The following POLA2 variants were observed in gnomAD, a reference collection of about 807,000 sequenced individuals.
The protein encoded by POLA2 is DNA polymerase alpha 2, accessory subunit, also known as DNA polymerase alpha subunit B.
POLA2 carries 47 observed loss-of-function variants against 82.8 expected under a neutral mutation model. The ratio of observed to expected loss-of-function variants is 0.57; its 90% CI spans 0.45 to 0.72. The LOEUF (loss-of-function observed/expected upper bound fraction) is 0.72, where lower values mean the gene tolerates loss of function less well. Among genes scored for constraint, POLA2 ranks in the 30% least tolerant of loss-of-function variants. The pLI is 0.00. For missense variants in POLA2, 634 were observed against 728.1 expected, an observed-to-expected ratio of 0.87 and a Z score of 1.49; for synonymous variants, 287 against 286.8, an observed-to-expected ratio of 1.00 and a Z score of -0.01.
intron 4 of POLA2, among the ~76,000 whole-genome samples, chr11:65,272,117 C>T (rs1949527968): frequency 6.6e-6 from 1 of 152,106 alleles, no homozygotes; most frequent in Admixed American, 6.5e-5. Context: ...CGAGACCAGT[C>T]TGGCCACCAT....
At position 65,295,574 on chromosome 11, in the gene POLA2, C is replaced by T; in HGVS notation, c.1495C>T (p.Leu499Phe). Reference sequence around the variant, plus strand: ...AACTTCAGACAGATTCAGCCGAATACTCAAGCACATCTTGACCCAGAGGAG... The same window carrying T: ...AACTTCAGACAGATTCAGCCGAATATTCAAGCACATCTTGACCCAGAGGAG... ...SGTSDRFSRILKHILTQRSYY... is the reference protein window; with the variant it reads ...SGTSDRFSRIFKHILTQRSYY... Residue 499 changes from leucine (L) to phenylalanine (F), a missense_variant, in exon 16 of 18, where the codon CTC becomes TTC. Transcript: ENST00000265465. The T allele has an allele frequency of 1.2e-6, 2 of 1,613,962 alleles. No individual in the cohort carries two copies. Among genetic ancestry groups the T allele is most frequent in the Non-Finnish European group, 1.7e-6 (2 of 1,179,910 alleles).
At chr11:65,274,181 C>T (rs1055337218) in intron 4 of POLA2, among the ~76,000 whole-genome samples, 14 of 148,944 alleles carry the variant, frequency 9.4e-5, no homozygotes, top group Non-Finnish European at 1.9e-4. Context: ...GCGAAACTCA[C>T]ATCTCTACTA....
intron 15 of POLA2, among the ~76,000 whole-genome samples, chr11:65,295,246 C>A (rs969158411): frequency 2.0e-5 from 3 of 152,224 alleles, no homozygotes; most frequent in African/African-American, 7.2e-5. Flanking sequence ...CATGATGGTG[C>A]CAACTTTGCA....
At chr11:65,293,090 G>C (rs945131970) in intron 13 of POLA2, among the ~76,000 whole-genome samples, 6 of 152,208 alleles carry the variant, frequency 3.9e-5, no homozygotes, top group East Asian at 1.9e-4. Context: ...GCTGTCATCT[G>C]TGCTTTTACT....
chr11:65,269,404 G>A (rs1227837290), intron 4 of POLA2, among the ~76,000 whole-genome samples: 3 of 151,852 alleles, frequency 2.0e-5, no homozygotes, highest in African/African-American at 7.3e-5. Flanking sequence ...GGAGAATGGC[G>A]GGAACCTGGG....
intron 11 of POLA2, 37 bp from the exon 12 acceptor site, chr11:65,289,013 A>G: frequency 1.9e-6 from 3 of 1,596,504 alleles, no homozygotes; most frequent in Non-Finnish European, 2.6e-6. Flanking sequence ...AGTGATTCTG[A>G]TTTGTTCTTT....
chr11:65,264,276 G>A (rs988739360), intron 1 of POLA2, among the ~76,000 whole-genome samples: 1 of 152,012 alleles, frequency 6.6e-6, no homozygotes, highest in African/African-American at 2.4e-5. Context: ...GCCATGTTGG[G>A]CAGGCTGATC....
At chr11:65,287,156 G>C (rs1250398631) in intron 10 of POLA2, among the ~76,000 whole-genome samples, 2 of 152,110 alleles carry the variant, frequency 1.3e-5, no homozygotes, top group African/African-American at 4.8e-5. Context: ...TGGAGGGATG[G>C]GCTGATTCTC....
chr11:65,283,849 A>G (rs1420756631), intron 10 of POLA2, among the ~76,000 whole-genome samples: 3 of 152,100 alleles, frequency 2.0e-5, no homozygotes, highest in Non-Finnish European at 4.4e-5. Context: ...AAAGTTTGAC[A>G]AACTTTGCTT....
intron 13 of POLA2, 94 bp downstream of exon 13, chr11:65,289,966 G>T: frequency 1.2e-6 from 1 of 810,636 alleles, no homozygotes. Flanking sequence ...AGTCGTGGCA[G>T]GGCCAGGCTC....
intron 4 of POLA2, among the ~76,000 whole-genome samples, chr11:65,271,107 C>T (rs1253285815): frequency 6.6e-6 from 1 of 152,176 alleles, no homozygotes; most frequent in Non-Finnish European, 1.5e-5. Flanking sequence ...CCTTATTATT[C>T]TCTTGCTTTA....
At chr11:65,288,543 A>C (rs1433576756) in intron 11 of POLA2, among the ~76,000 whole-genome samples, 3 of 118,394 alleles carry the variant, frequency 2.5e-5, no homozygotes, top group African/African-American at 3.2e-5. Flanking sequence ...ACAGAGTTTC[A>C]CTCTGTCACC....
chr11:65,266,796 C>T (rs1949465717), intron 2 of POLA2, 90 bp downstream of exon 2: 3 of 1,388,312 alleles, frequency 2.2e-6, no homozygotes, highest in Admixed American at 1.8e-5. Context: ...GGAGTGTGGG[C>T]TTTCGAGTCA....
In POLA2 at chr11:65,262,317, G is replaced by A. The variant is rs778706992; in HGVS notation, c.25G>A (p.Ala9Thr). MSASAQQL[A>T]EELQIFGLDC... Reference sequence around the variant, plus strand: ...CATGTCCGCATCCGCCCAGCAGCTGGCGGAGGAGCTGCAGATCTTCGGCCT... The same window carrying A: ...CATGTCCGCATCCGCCCAGCAGCTGACGGAGGAGCTGCAGATCTTCGGCCT... The change falls in exon 1 of 18, where the codon GCG (alanine) becomes ACG (threonine). Residue 9 changes from alanine (A) to threonine (T), a missense_variant. Transcript: ENST00000265465. 1.7e-5 allele frequency: 28 copies of A among 1,613,646 alleles called. No individual in the cohort carries two copies. Among genetic ancestry groups the A allele is most frequent in the Non-Finnish European group, 2.3e-5 (27 of 1,179,862 alleles).
rs140980676 is a variant in POLA2 at position 65,295,583 on chromosome 11, A to T, written c.1504A>T (p.Ile502Phe). 37 of 1,613,890 alleles carry T rather than the reference A, an allele frequency of 2.3e-5. No individual in the cohort carries two copies. In the African/African-American group the frequency reaches 4.7e-4, roughly 20 times the overall value. ...CAGATTCAGCCGAATACTCAAGCAC[A>T]TCTTGACCCAGAGGAGGTGAGCTTG... ...SDRFSRILKHILTQRSYYPLY... is the reference protein window; with the variant it reads ...SDRFSRILKHFLTQRSYYPLY... Residue 502 changes from isoleucine to phenylalanine, a missense_variant, in exon 16 of 18, where the codon ATC becomes TTC. Transcript: ENST00000265465.
intron 1 of POLA2, among the ~76,000 whole-genome samples, chr11:65,266,120 G>A (rs1403831879): frequency 6.6e-6 from 1 of 152,082 alleles, no homozygotes; most frequent in African/African-American, 2.4e-5. Flanking sequence ...TAGTTCCTCT[G>A]GCTCTTTTCC....
intron 9 of POLA2, 25 bp from the exon 10 acceptor site, chr11:65,282,454 A>ACTTGAGCT: frequency 6.2e-7 from 1 of 1,610,718 alleles, no homozygotes; most frequent in Non-Finnish European, 8.5e-7. Flanking sequence ...GCAAGACCTT[A>ACTTGAGCT]CTTGAGCTTT....
At chr11:65,293,806 T>C (rs1390258914) in intron 13 of POLA2, among the ~76,000 whole-genome samples, 1 of 152,174 alleles carries the variant, frequency 6.6e-6, no homozygotes, top group Admixed American at 6.5e-5. Flanking sequence ...TGATTCTTTA[T>C]TCACATCCTT....
Position 65,297,381 on chromosome 11 carries a change from CA to C in POLA2, c.*113del, listed in dbSNP as rs41561615. 5,602 of 1,307,318 alleles carry C rather than the reference CA, an allele frequency of 4.3e-3. 216 individuals are homozygous for C. The African/African-American group carries it at 0.074, about 17-fold the overall frequency. 81.0% of individuals were successfully genotyped at this position (1,307,318 alleles called of 1,614,324 possible). ...GTTGGGTGGGAAAGGAGAGAGGAGC[CA>C]GCCAGGGAGGGGCAGCTGCAGTGAC... On this transcript the variant is annotated 3_prime_UTR_variant, in exon 18 of 18. Transcript: ENST00000265465.
Sources: gnomAD v4.1 joint callset for allele counts (sites outside exome capture counted in the v4.1 genomes callset) on GRCh38, gnomAD v4.1.1 for gene constraint, MANE v1.5 for transcripts, NCBI Gene and HGNC (gene_info 2026-07-23, HGNC 2026-07-21) for gene names.